NR2E3: variants seen among roughly 807,000 people sequenced by gnomAD.
NR2E3 encodes the protein nuclear receptor subfamily 2 group E member 3.
NR2E3 carries 38 observed loss-of-function variants against 37.6 expected under a neutral mutation model. That is an observed-to-expected ratio of 1.01 (90% confidence interval 0.78 to 1.33). The LOEUF (loss-of-function observed/expected upper bound fraction) is 1.33, where lower values mean the gene tolerates loss of function less well. Among genes scored for constraint, NR2E3 ranks in the 40% most tolerant of loss-of-function variants. The probability of loss-of-function intolerance (pLI) is 0.00; values close to 1 mark genes in which losing one functional copy is unlikely to be tolerated. For missense variants in NR2E3, 562 were observed against 558.7 expected, an observed-to-expected ratio of 1.01 and a Z score of -0.06; for synonymous variants, 235 against 225.1, an observed-to-expected ratio of 1.04 and a Z score of -0.39.
At position 71,812,345 on chromosome 15, in the gene NR2E3, A is replaced by G; in HGVS notation, c.581A>G (p.Asn194Ser). The change falls in exon 5 of 8, where the codon AAT (asparagine) becomes AGT (serine). Residue 194 changes from asparagine to serine, a missense_variant. By Grantham distance (46) the Asn-to-Ser change is conservative (BLOSUM62 1). Transcript: ENST00000617575. ...AKLEPEDADE[N>S]IDVTSNDPEF... ...CCTCCTCCTCCAACAGCTGATGAGA[A>G]TATTGATGTCACCAGCAATGACCCT... is the stretch of plus-strand genomic sequence containing the variant. 1.9e-6 allele frequency: 3 copies of G among 1,613,802 alleles called. No homozygotes were observed. Among genetic ancestry groups the G allele is most frequent in the Non-Finnish European group, 2.5e-6 (3 of 1,179,824 alleles).
chr15:71,812,861 G>A (rs1228305803), intron 5 of NR2E3, among the ~76,000 whole-genome samples: 1 of 152,188 alleles, frequency 6.6e-6, no homozygotes, highest in African/African-American at 2.4e-5. Context: ...ACCCTGAACA[G>A]GCTGAGTGGC....
At chr15:71,817,224 G>A (rs1430411899) in intron 7 of NR2E3, among the ~76,000 whole-genome samples, 2 of 150,790 alleles carry the variant, frequency 1.3e-5, no homozygotes, top group African/African-American at 4.9e-5. Context: ...TCAGCCTCCC[G>A]AGTAGCTGGG....
Position 71,813,221 on chromosome 15 carries a change from A to C in NR2E3, c.748-168A>C, listed in dbSNP as rs559051110. Among the ~76,000 whole-genome samples the C allele has an allele frequency of 6.6e-6, 1 of 152,184 alleles. No homozygotes were observed. Among genetic ancestry groups the C allele is most frequent in the South Asian group, 2.1e-4 (1 of 4,820 alleles). On this transcript the variant is annotated intron_variant, in intron 5 of 7. Transcript: ENST00000617575. The surrounding 1 kb of genome is among the most constrained non-coding windows in gnomAD (Gnocchi z 4.7). ...CTCAGATGATAGGCAGCTGAGCCGG[A>C]TGGTGCCAAATCCCAGAGCTCTGAG... is the stretch of plus-strand genomic sequence containing the variant.
In NR2E3 at chr15:71,812,170, G is replaced by A; in HGVS notation, c.565G>A (p.Glu189Lys). The A allele has an allele frequency of 6.3e-7, 1 of 1,583,360 alleles. No homozygotes were observed. Among genetic ancestry groups the A allele is most frequent in the African/African-American group, 1.3e-5 (1 of 74,226 alleles). ...TGAAACCTGTGCTAAGCTGGAGCCA[G>A]AGGATGGTGAGTGGGAGAGCAGCTG... ...TAETCAKLEP[E>K]DADENIDVTS... The change falls in exon 4 of 8, where the codon GAG becomes AAG. Residue 189 changes from glutamate to lysine, a missense_variant. Physicochemically the swap from Glu to Lys is moderately conservative, Grantham distance 56 (BLOSUM62 1). Transcript: ENST00000617575.
intron 5 of NR2E3, 134 bp downstream of exon 5, chr15:71,812,645 A>C (rs2054195058): frequency 1.3e-6 from 1 of 777,424 alleles, no homozygotes; most frequent in Admixed American, 2.9e-5. Context: ...GGCTGGGGAC[A>C]CACATACCTC....
chr15:71,813,892 A>C lies in NR2E3; in HGVS notation c.995-120A>C. On this transcript the variant is annotated intron_variant, in intron 6 of 7. Transcript: ENST00000617575. The surrounding 1 kb of genome is among the most constrained non-coding windows in gnomAD (Gnocchi z 4.7). ...CTGGTGGCTCCTCTGGGCCTGGCAG[A>C]GCCCACCCCACAGGGCCCCAGGTCC... The C allele has an allele frequency of 6.5e-7, 1 of 1,531,440 alleles. No homozygotes were observed. 94.9% of individuals were successfully genotyped at this position (1,531,440 alleles called of 1,614,324 possible). A position where few individuals can be genotyped will look rare whatever the true frequency, so the allele number is the denominator to read the frequency against.
chr15:71,811,744 G>A lies in NR2E3; in HGVS notation c.246-22G>A. ...GGGCATGGGAGGGACACTGACCCCT[G>A]GGGTCTCCTCTTCACCTGCAGGTGC... On this transcript the variant is annotated intron_variant, in intron 2 of 7. Coordinates refer to ENST00000617575, the MANE Select transcript of NR2E3 (RefSeq NM_014249.4). This position sits in a 1 kb window ranked among gnomAD's most constrained non-coding sequence, Gnocchi z 5.6. The A allele has an allele frequency of 2.6e-6, 4 of 1,549,336 alleles. No individual in the cohort carries two copies. Among genetic ancestry groups the A allele is most frequent in the Non-Finnish European group, 3.5e-6 (4 of 1,145,390 alleles).
Position 71,817,717 on chromosome 15 carries a change from T to A in NR2E3, c.*33T>A. ...GGAGGTGAAATGTTTCCAAGCACTCTGGAAAACAATCTACTGAAACGAAAC... is the reference window on the plus strand; with the variant it reads ...GGAGGTGAAATGTTTCCAAGCACTCAGGAAAACAATCTACTGAAACGAAAC... On this transcript the variant is annotated 3_prime_UTR_variant, in exon 8 of 8. Coordinates refer to ENST00000617575, the MANE Select transcript of NR2E3 (RefSeq NM_014249.4). 6.4e-7 allele frequency: 1 copy of A among 1,564,016 alleles called. No individual in the cohort carries two copies. Among genetic ancestry groups the A allele is most frequent in the Non-Finnish European group, 8.7e-7 (1 of 1,142,986 alleles).
chr15:71,814,060 A>G lies in NR2E3; in HGVS notation c.1043A>G (p.Gln348Arg). ...GAGCACGTAGAGGCCTTGCAGGACC[A>G]GTCCCAAGTGATGCTGAGCCAGCAC... ...DPEHVEALQDQSQVMLSQHSK... is the reference protein window; with the variant it reads ...DPEHVEALQDRSQVMLSQHSK... The change falls in exon 7 of 8, where the codon CAG becomes CGG. Residue 348 changes from glutamine (Q) to arginine (R), a missense_variant. Coordinates refer to ENST00000617575, the MANE Select transcript of NR2E3 (RefSeq NM_014249.4). 1 of 1,612,950 alleles carries G rather than the reference A, an allele frequency of 6.2e-7. No homozygotes were observed. Among genetic ancestry groups the G allele is most frequent in the Non-Finnish European group, 8.5e-7 (1 of 1,179,786 alleles).
rs1178304271 is a variant in NR2E3 at position 71,817,721 on chromosome 15, A to G, written c.*37A>G. 2 of 1,560,134 alleles carry G rather than the reference A, an allele frequency of 1.3e-6. No homozygotes were observed. The highest frequency in any genetic ancestry group is 1.4e-5 in the African/African-American group (1 of 74,026). ...GTGAAATGTTTCCAAGCACTCTGGA[A>G]AACAATCTACTGAAACGAAACATTT... On this transcript the variant is annotated 3_prime_UTR_variant, in exon 8 of 8. Transcript: ENST00000617575.
In NR2E3 at chr15:71,812,011, G is replaced by A. The variant is rs1257334132; in HGVS notation, c.406G>A (p.Glu136Lys). 7.1e-6 allele frequency: 11 copies of A among 1,555,222 alleles called. No individual in the cohort carries two copies. Among genetic ancestry groups the A allele is most frequent in the South Asian group, 1.2e-5 (1 of 84,236 alleles). ...AGCCCAGGTCCACCTGGACAGCATG[G>A]AGTCCAACACTGAGTCCCGGCCGGA... ...STAQVHLDSM[E>K]SNTESRPESL... Residue 136 changes from glutamate to lysine, a missense_variant, in exon 4 of 8, where the codon GAG becomes AAG. Transcript: ENST00000617575.
intron 7 of NR2E3, among the ~76,000 whole-genome samples, chr15:71,815,685 C>T (rs953019883): frequency 1.3e-5 from 2 of 152,188 alleles, no homozygotes; most frequent in Non-Finnish European, 2.9e-5. Context: ...TTTTTAAAAA[C>T]TGCAACACCC....
At position 71,810,734 on chromosome 15, in the gene NR2E3, C is replaced by T. The variant is rs771015928; in HGVS notation, c.-10C>T. 2.1e-5 allele frequency: 33 copies of T among 1,561,136 alleles called. No individual in the cohort carries two copies. Among genetic ancestry groups the T allele is most frequent in the Non-Finnish European group, 2.9e-5 (33 of 1,153,220 alleles). On this transcript the variant is annotated 5_prime_UTR_variant, in exon 1 of 8. Coordinates refer to ENST00000617575, the MANE Select transcript of NR2E3 (RefSeq NM_014249.4). ...CCTCCCGCAGGCAGGCAGAGGCTGCCCTGTAACCCATGGAGACCAGACCAA... is the reference window on the plus strand; with the variant it reads ...CCTCCCGCAGGCAGGCAGAGGCTGCTCTGTAACCCATGGAGACCAGACCAA...
chr15:71,817,551 G>A lies in NR2E3; in HGVS notation c.1101-1G>A. 4 of 1,590,924 alleles carry A rather than the reference G, an allele frequency of 2.5e-6. No individual in the cohort carries two copies. Among genetic ancestry groups the A allele is most frequent in the South Asian group, 2.2e-5 (2 of 89,850 alleles). Reference sequence around the variant, plus strand: ...CTGATGGCGTCCTCTCTCCTGTTCAGGTTTGGGAAATTGCTCCTGCTCCTC... The same window carrying A: ...CTGATGGCGTCCTCTCTCCTGTTCAAGTTTGGGAAATTGCTCCTGCTCCTC... On this transcript the variant is annotated splice_acceptor_variant, in intron 7 of 7. Transcript: ENST00000617575. LOFTEE classifies it high-confidence loss of function.
intron 5 of NR2E3, 54 bp downstream of exon 5, chr15:71,812,565 C>A: frequency 6.7e-7 from 1 of 1,493,404 alleles, no homozygotes; most frequent in South Asian, 1.3e-5. Flanking sequence ...TCAGGCGGCC[C>A]ACTCGAGTCA....
At chr15:71,814,325 G>C (rs1567161101) in intron 7 of NR2E3, 6 of 1,364,468 alleles carry the variant, frequency 4.4e-6, no homozygotes, top group South Asian at 3.9e-5. Flanking sequence ...CTGCCTTCTA[G>C]AGACAACCGG....
Position 71,812,405 on chromosome 15 carries a change from C to T in NR2E3, c.641C>T (p.Pro214Leu), listed in dbSNP as rs749050219. ...TCCTCTCCATACTCCTCTTCCTCCCCCTGCGGCCTGGACAGCATCCATGAG... is the reference window on the plus strand; with the variant it reads ...TCCTCTCCATACTCCTCTTCCTCCCTCTGCGGCCTGGACAGCATCCATGAG... ...FPSSPYSSSS[P>L]CGLDSIHETS... The change falls in exon 5 of 8, where the codon CCC (proline) becomes CTC (leucine). Residue 214 changes from proline (P) to leucine (L), a missense_variant. Physicochemically the swap from Pro to Leu is moderately conservative, Grantham distance 98. Transcript: ENST00000617575. 2 of 1,613,968 alleles carry T rather than the reference C, an allele frequency of 1.2e-6. No homozygotes were observed. The highest frequency in any genetic ancestry group is 1.7e-5 in the Admixed American group (1 of 60,026).
chr15:71,811,988 C>T lies in NR2E3; in HGVS notation c.383C>T (p.Ala128Val), dbSNP rs760989182. Residue 128 changes from alanine (A) to valine (V), a missense_variant, in exon 4 of 8, where the codon GCC (alanine) becomes GTC (valine). Ala to Val is a moderately conservative substitution (Grantham distance 64). Transcript: ENST00000617575. The surrounding 1 kb of genome is among the most constrained non-coding windows in gnomAD (Gnocchi z 5.6). ...AACGAGCGCCAGCCGCGAAGCACAGCCCAGGTCCACCTGGACAGCATGGAG... is the reference window on the plus strand; with the variant it reads ...AACGAGCGCCAGCCGCGAAGCACAGTCCAGGTCCACCTGGACAGCATGGAG... The part of the protein sequence containing the change: ...VQNERQPRST[A>V]QVHLDSMESN... 14 of 1,553,998 alleles carry T rather than the reference C, an allele frequency of 9.0e-6. No individual in the cohort carries two copies. Among genetic ancestry groups the T allele is most frequent in the Non-Finnish European group, 1.2e-5 (14 of 1,148,874 alleles).
intron 7 of NR2E3, 123 bp from the exon 8 acceptor site, chr15:71,817,429 A>T: frequency 7.7e-7 from 1 of 1,304,064 alleles, no homozygotes; most frequent in East Asian, 2.4e-5. Flanking sequence ...ATTCCTCCTG[A>T]CCCACTCTGG....
Sources: gnomAD v4.1 joint callset for allele counts (sites outside exome capture counted in the v4.1 genomes callset) on GRCh38, gnomAD v4.1.1 for gene constraint, Gnocchi (gnomAD v3.1) non-coding constraint, MANE v1.5 for transcripts, NCBI Gene and HGNC (gene_info 2026-07-23, HGNC 2026-07-21) for gene names.